The following EZH2 variants were observed in gnomAD, a reference collection of about 807,000 sequenced individuals.
The protein encoded by EZH2 is enhancer of zeste 2 polycomb repressive complex 2 subunit, also known as histone-lysine N-methyltransferase EZH2.
A neutral mutation model predicts 98.4 loss-of-function variants in EZH2; 18 were observed. The ratio of observed to expected loss-of-function variants is 0.18; its 90% CI spans 0.13 to 0.27. The LOEUF (loss-of-function observed/expected upper bound fraction) is 0.27, where lower values mean the gene tolerates loss of function less well. Among genes scored for constraint, EZH2 ranks in the 10% least tolerant of loss-of-function variants. The pLI, the probability that EZH2 is intolerant of heterozygous loss-of-function variation, is 1.00. For missense variants in EZH2, 470 were observed against 935.1 expected (o/e 0.50, Z 6.49); for synonymous variants, 338 against 312.3 (o/e 1.08, Z -0.87).
At chr7:148,833,895 C>CG (rs1221327738) in intron 3 of EZH2, among the ~76,000 whole-genome samples, 1 of 152,104 alleles carries the variant, frequency 6.6e-6, no homozygotes, top group Non-Finnish European at 1.5e-5. Flanking sequence ...CTGCTCTTCC[C>CG]GCTCCTTATA....
chr7:148,808,210 C>T (rs887569), intron 19 of EZH2, among the ~76,000 whole-genome samples: 110,553 of 152,198 alleles, frequency 0.73, 40,353 homozygotes, highest in African/African-American at 0.77. Flanking sequence ...GTGAGGCCAC[C>T]GGGTCATCCC....
intron 15 of EZH2, among the ~76,000 whole-genome samples, chr7:148,813,057 A>ACACGCG (rs149286628): frequency 4.7e-5 from 7 of 147,868 alleles, no homozygotes; most frequent in African/African-American, 1.8e-4. Flanking sequence ...CCACATACAC[A>ACACGCG]CACACACACA....
At chr7:148,807,791 T>G (rs1181551102) in intron 19 of EZH2, 85 bp from the exon 20 acceptor site, 1 of 663,994 alleles carries the variant, frequency 1.5e-6, no homozygotes, top group Admixed American at 3.1e-5. Flanking sequence ...CTGCTGAAGA[T>G]AGTGGGTGCA....
At chr7:148,877,913 T>C (rs1054243725) in intron 1 of EZH2, among the ~76,000 whole-genome samples, 1 of 152,186 alleles carries the variant, frequency 6.6e-6, no homozygotes, top group Non-Finnish European at 1.5e-5. Context: ...ATGGAGTAGA[T>C]AATATGTAGT....
chr7:148,872,528 A>T (rs1434541236), intron 1 of EZH2, among the ~76,000 whole-genome samples: 2 of 152,234 alleles, frequency 1.3e-5, no homozygotes, highest in Non-Finnish European at 2.9e-5. Context: ...TTGATTTAGA[A>T]ACTACATGTA....
intron 8 of EZH2, among the ~76,000 whole-genome samples, chr7:148,822,929 G>C (rs1186941834): frequency 1.3e-5 from 2 of 152,184 alleles, no homozygotes; most frequent in South Asian, 4.2e-4. Flanking sequence ...GCGACAGAGC[G>C]AGACCCGTCT....
At chr7:148,847,799 C>A (rs1814553814) in intron 1 of EZH2, among the ~76,000 whole-genome samples, 1 of 152,152 alleles carries the variant, frequency 6.6e-6, no homozygotes, top group Non-Finnish European at 1.5e-5. Flanking sequence ...ATAAAATGTA[C>A]AAAGGTACTC....
chr7:148,808,772 G>A (rs734005), intron 19 of EZH2, among the ~76,000 whole-genome samples: 106,223 of 152,122 alleles, frequency 0.7, 38,442 homozygotes, highest in African/African-American at 0.9. Flanking sequence ...CTCCACGAGT[G>A]AGCATGCAGC....
chr7:148,848,594 G>C (rs1814828344), intron 1 of EZH2, among the ~76,000 whole-genome samples: 1 of 152,236 alleles, frequency 6.6e-6, no homozygotes, highest in Non-Finnish European at 1.5e-5. Flanking sequence ...ACAGATGACA[G>C]AGAAGGCAGA....
intron 8 of EZH2, among the ~76,000 whole-genome samples, chr7:148,824,968 A>G (rs927329123): frequency 6.6e-6 from 1 of 152,182 alleles, no homozygotes; most frequent in South Asian, 2.1e-4. Context: ...ATTCAAGTTA[A>G]CAAAAAAAAA....
Position 148,827,214 on chromosome 7 carries a change from G to A in EZH2, c.678C>T (p.Ala226=), listed in dbSNP as rs753690712. 6.2e-6 allele frequency: 10 copies of A among 1,613,834 alleles called. No individual in the cohort carries two copies. The highest frequency in any genetic ancestry group is 2.2e-5 in the South Asian group (2 of 91,044). The change falls in exon 7 of 20, where the codon GCC becomes GCT. Residue 226 remains alanine (A), a synonymous_variant. Coordinates refer to ENST00000320356, the MANE Select transcript of EZH2 (RefSeq NM_004456.5). ...CCTTATCTGGAAACATTGAGGAAAT[G>A]GCTTCAAAAATTTTATCAGAAGGAA... ...RKFPSDKIFE[A]ISSMFPDKGT... is the part of the protein sequence containing the mutation.
intron 2 of EZH2, among the ~76,000 whole-genome samples, 193 bp downstream of exon 2, chr7:148,846,989 C>T (rs893539751): frequency 2.0e-5 from 3 of 151,640 alleles, no homozygotes; most frequent in African/African-American, 7.3e-5. Context: ...TAAAAGTATA[C>T]TAAACAAAGA....
At chr7:148,816,652 G>T in intron 12 of EZH2, 32 bp downstream of exon 12, 1 of 1,539,158 alleles carries the variant, frequency 6.5e-7, no homozygotes, top group Non-Finnish European at 9.0e-7. Flanking sequence ...TATCTATGTT[G>T]ACTTCTCTAA....
At position 148,846,209 on chromosome 7, in the gene EZH2, CT is replaced by C. The variant is rs537327194; in HGVS notation, c.246+260del. On this transcript the variant is annotated intron_variant, in intron 3 of 19. Coordinates refer to ENST00000320356, the MANE Select transcript of EZH2 (RefSeq NM_004456.5). ...CATTAAAGAGTATTTGATTTAAAAG[CT>C]TTTTTTTTTAAATCAACATTCTTAT... 3.4e-3 allele frequency among the ~76,000 whole-genome samples: 509 copies of C among 148,516 alleles called. 8 individuals carry two copies. The highest frequency in any genetic ancestry group is 7.8e-4 in the Non-Finnish European group (52 of 66,732).
chr7:148,850,837 C>T (rs1815562571), intron 1 of EZH2, among the ~76,000 whole-genome samples: 1 of 152,136 alleles, frequency 6.6e-6, no homozygotes, highest in Non-Finnish European at 1.5e-5. Flanking sequence ...CCTATACGTA[C>T]ATACCCATGA....
intron 14 of EZH2, among the ~76,000 whole-genome samples, chr7:148,814,566 C>T (rs1334598603): frequency 6.6e-6 from 1 of 152,150 alleles, no homozygotes; most frequent in Non-Finnish European, 1.5e-5. Context: ...CTAACTCTGA[C>T]GATTTCTGGT....
intron 4 of EZH2, among the ~76,000 whole-genome samples, chr7:148,830,555 T>G (rs1485908532): frequency 6.6e-6 from 1 of 152,200 alleles, no homozygotes; most frequent in Admixed American, 6.5e-5. Context: ...AGAGTATTGA[T>G]AGTCCATTAA....
At chr7:148,882,793 A>T (rs1225952284) in intron 1 of EZH2, among the ~76,000 whole-genome samples, 1 of 152,268 alleles carries the variant, frequency 6.6e-6, no homozygotes, top group Non-Finnish European at 1.5e-5. Context: ...TTAAGTAAAT[A>T]GCAAAGACAC....
intron 8 of EZH2, among the ~76,000 whole-genome samples, chr7:148,821,757 T>A (rs1362512751): frequency 6.6e-6 from 1 of 152,206 alleles, no homozygotes; most frequent in African/African-American, 2.4e-5. Context: ...GCTCAGGAAG[T>A]CAAGGTTGCA....
Sources: allele counts gnomAD v4.1 joint callset (sites outside exome capture counted in the v4.1 genomes callset), GRCh38; gene constraint gnomAD v4.1.1; transcripts MANE v1.5; gene names NCBI Gene and HGNC (gene_info 2026-07-23, HGNC 2026-07-21).